Variants in PPM1E observed in about 807,000 individuals in gnomAD.
The protein encoded by PPM1E is protein phosphatase, Mg2+/Mn2+ dependent 1E.
Under a neutral mutation model 65.9 loss-of-function variants are expected in PPM1E, and 20 were observed. The ratio of observed to expected loss-of-function variants is 0.30; its 90% CI spans 0.21 to 0.44. The LOEUF is 0.44. Among genes scored for constraint, PPM1E ranks in the 20% least tolerant of loss-of-function variants. The pLI is 1.00. For synonymous variants in PPM1E, 352 were observed against 374.9 expected (o/e 0.94, Z 0.70); for missense variants, 713 against 953.1 (o/e 0.75, Z 3.32).
intron 1 of PPM1E, among the ~76,000 whole-genome samples, chr17:58,760,694 C>T (rs1264343374): frequency 6.6e-5 from 10 of 152,128 alleles, no homozygotes. Flanking sequence ...GACTTCTGAT[C>T]CTATTGTAAG....
intron 1 of PPM1E, among the ~76,000 whole-genome samples, chr17:58,945,331 C>T (rs753829823): frequency 7.9e-5 from 12 of 152,162 alleles, no homozygotes; most frequent in Non-Finnish European, 1.3e-4. Flanking sequence ...TTAGTAGAGA[C>T]GGGGTTTCAT....
intron 6 of PPM1E, among the ~76,000 whole-genome samples, chr17:58,976,031 G>C (rs908382222): frequency 6.6e-6 from 1 of 152,182 alleles, no homozygotes; most frequent in Non-Finnish European, 1.5e-5. Flanking sequence ...TGGTGAAGGG[G>C]AGAAAGGAAA....
intron 1 of PPM1E, among the ~76,000 whole-genome samples, chr17:58,905,377 G>A (rs2051546184): frequency 6.6e-6 from 1 of 152,076 alleles, no homozygotes; most frequent in Admixed American, 6.6e-5. Flanking sequence ...TAAAGAAGTT[G>A]CCCTCTATTT....
Position 58,981,312 on chromosome 17 carries a change from C to A in PPM1E, c.*281C>A. The A allele has an allele frequency of 2.9e-6, 1 of 340,132 alleles. No homozygotes were observed. The highest frequency in any genetic ancestry group is 4.5e-5 in the Admixed American group (1 of 22,370). The allele number at this position is 340,132 out of a possible 1,614,324, so 21.1% of individuals were successfully genotyped here. On this transcript the variant is annotated 3_prime_UTR_variant, in exon 7 of 7. Transcript: ENST00000308249. ...CCACCATCCTTCATGTCACTAGATA[C>A]ACAACCCCCTTCCCACCATCCCTTC...
At chr17:58,794,882 A>C (rs1309245106) in intron 1 of PPM1E, among the ~76,000 whole-genome samples, 1 of 145,584 alleles carries the variant, frequency 6.9e-6, no homozygotes, top group Non-Finnish European at 1.5e-5. Context: ...ATATATGTAC[A>C]TGTGTCTTTT....
At chr17:58,785,086 AAG>A (rs1284569253) in intron 1 of PPM1E, among the ~76,000 whole-genome samples, 1 of 151,986 alleles carries the variant, frequency 6.6e-6, no homozygotes, top group East Asian at 1.9e-4. Context: ...GTGTTCTCTT[AAG>A]AGTTGTATAG....
At chr17:58,966,418 T>TAAAAA (rs55779609) in intron 3 of PPM1E, 5 of 122,460 alleles carry the variant, frequency 4.1e-5, no homozygotes, top group South Asian at 1.5e-4. Context: ...AGCAGTTTTG[T>TAAAAA]AAAAAAAAAA....
intron 1 of PPM1E, among the ~76,000 whole-genome samples, chr17:58,792,903 G>T (rs559614252): frequency 4.0e-5 from 6 of 150,758 alleles, no homozygotes; most frequent in African/African-American, 1.5e-4. Context: ...ATAGGCACCC[G>T]CCACCACACC....
At chr17:58,953,612 T>G (rs1353798354) in intron 1 of PPM1E, among the ~76,000 whole-genome samples, 1 of 152,170 alleles carries the variant, frequency 6.6e-6, no homozygotes, top group African/African-American at 2.4e-5. Context: ...ATATCAGTGG[T>G]CTTTTCCATT....
chr17:58,787,366 G>A (rs1397614864), intron 1 of PPM1E, among the ~76,000 whole-genome samples: 1 of 151,836 alleles, frequency 6.6e-6, no homozygotes, highest in Admixed American at 6.6e-5. Flanking sequence ...TGCATTATTG[G>A]CCCAAATTTT....
chr17:58,927,788 G>A (rs1399090350), intron 1 of PPM1E, among the ~76,000 whole-genome samples: 1 of 151,736 alleles, frequency 6.6e-6, no homozygotes, highest in East Asian at 2.0e-4. Context: ...GCCGGGCCCG[G>A]TGGCTCATGC....
In PPM1E at chr17:58,829,342, C is replaced by T. The variant is rs147122565; in HGVS notation, c.464+72881C>T. Among the ~76,000 whole-genome samples, 380 of 152,126 alleles carry T rather than the reference C, an allele frequency of 2.5e-3. 2 individuals carry two copies. Among genetic ancestry groups the T allele is most frequent in the African/African-American group, 8.8e-3 (366 of 41,514 alleles). On this transcript the variant is annotated intron_variant, in intron 1 of 6. Coordinates refer to ENST00000308249, the MANE Select transcript of PPM1E (RefSeq NM_014906.5). ...CAGGCGTGAGCCACCGTGCCTGGCC[C>T]GTGTTTACGTTTTCTTTATTGTATA...
chr17:58,908,841 T>A (rs1259829595), intron 1 of PPM1E, among the ~76,000 whole-genome samples: 1 of 152,132 alleles, frequency 6.6e-6, no homozygotes, highest in Non-Finnish European at 1.5e-5. Flanking sequence ...TCACTGATAG[T>A]GTGAGTGTAT....
rs1555612293 is a variant in PPM1E, at chr17:58,825,265, A to ACACAC, written c.464+68804_464+68805insCACAC. 1.8e-4 allele frequency among the ~76,000 whole-genome samples: 23 copies of ACACAC among 126,522 alleles called. No individual in the cohort carries two copies. In the South Asian group the frequency reaches 3.7e-3, roughly 20 times the overall value. The allele number at this position is 126,522 out of a possible 152,430, so 83.0% of individuals were successfully genotyped here. ...ACACACACACACACACACACACACA[A>ACACAC]AAATAAATAGAATGAAATATCTGGC... On this transcript the variant is annotated intron_variant, in intron 1 of 6. Coordinates refer to ENST00000308249, the MANE Select transcript of PPM1E (RefSeq NM_014906.5).
Position 58,983,140 on chromosome 17 carries a change from C to T in PPM1E, c.*2109C>T, listed in dbSNP as rs2031471875. 2.0e-6 allele frequency: 1 copy of T among 490,412 alleles called. No homozygotes were observed. Among genetic ancestry groups the T allele is most frequent in the East Asian group, 3.2e-5 (1 of 31,208 alleles). 30.4% of individuals were successfully genotyped at this position (490,412 alleles called of 1,614,324 possible). ...GGATAGAACTGGGACAAACACAGACCCATCTTTAGGGGTCTGGATTTTGTA... is the reference window on the plus strand; with the variant it reads ...GGATAGAACTGGGACAAACACAGACTCATCTTTAGGGGTCTGGATTTTGTA... On this transcript the variant is annotated 3_prime_UTR_variant, in exon 7 of 7. Transcript: ENST00000308249.
At chr17:58,756,956 G>A (rs1047546158) in intron 1 of PPM1E, among the ~76,000 whole-genome samples, 7 of 152,206 alleles carry the variant, frequency 4.6e-5, no homozygotes, top group Admixed American at 2.0e-4. Flanking sequence ...TCTAGACTGA[G>A]CTGCGAGGTG....
chr17:58,797,914 C>T (rs998087792), intron 1 of PPM1E, among the ~76,000 whole-genome samples: 1 of 152,086 alleles, frequency 6.6e-6, no homozygotes, highest in African/African-American at 2.4e-5. Flanking sequence ...ATTCTCTTGG[C>T]AAGTGACACT....
At chr17:58,793,362 A>AT (rs968375889) in intron 1 of PPM1E, among the ~76,000 whole-genome samples, 23 of 149,482 alleles carry the variant, frequency 1.5e-4, no homozygotes, top group Admixed American at 8.1e-4. Flanking sequence ...TATTATTATT[A>AT]TTTTTTTTTT....
At chr17:58,888,057 G>A (rs1386686895) in intron 1 of PPM1E, among the ~76,000 whole-genome samples, 1 of 152,156 alleles carries the variant, frequency 6.6e-6, no homozygotes, top group East Asian at 1.9e-4. Context: ...GAATGGAATT[G>A]CCCCTTACTA....
Sources: allele counts gnomAD v4.1 joint callset (sites outside exome capture counted in the v4.1 genomes callset), GRCh38; gene constraint gnomAD v4.1.1; transcripts MANE v1.5; gene names NCBI Gene and HGNC (gene_info 2026-07-23, HGNC 2026-07-21).